The following PPP4R1 variants were observed in gnomAD, a reference collection of about 807,000 sequenced individuals.
PPP4R1 encodes protein phosphatase 4 regulatory subunit 1.
In PPP4R1, 42 loss-of-function variants were observed where a neutral mutation model predicts 111.2. That is an observed-to-expected ratio of 0.38 (90% CI 0.29 to 0.49). PPP4R1 has a LOEUF of 0.49. PPP4R1 is among the 20% of genes least tolerant of loss of function. The probability of loss-of-function intolerance (pLI) is 0.97; values close to 1 mark genes in which losing one functional copy is unlikely to be tolerated. For missense variants in PPP4R1, 1,012 were observed against 1,161.6 expected (o/e 0.87, Z 1.87); for synonymous variants, 409 against 405.5 (o/e 1.01, Z -0.10).
At position 9,550,381 on chromosome 18, in the gene PPP4R1, A is replaced by G; in HGVS notation, c.2309T>C (p.Leu770Pro). 1.3e-6 allele frequency: 2 copies of G among 1,597,844 alleles called. No homozygotes were observed. Among genetic ancestry groups the G allele is most frequent in the South Asian group, 1.1e-5 (1 of 88,932 alleles). ...AACATCTCTGGGACTATATAACTCT[A>G]GAAGTAAAATCAGCTGTCTACAAAA... ...AELAEQLILL[L>P]ELYSPRDVYD... Residue 770 changes from leucine to proline, a missense_variant, in exon 17 of 20, where the codon CTA becomes CCA. Leu to Pro is a moderately conservative substitution (Grantham distance 98). This residue lies in a region of PPP4R1 where 305 missense variants were observed against 419.5 expected (regional missense o/e 0.73). Coordinates refer to ENST00000400556, the MANE Select transcript of PPP4R1 (RefSeq NM_001042388.3).
At chr18:9,567,111 T>C (rs1281560679) in intron 11 of PPP4R1, among the ~76,000 whole-genome samples, 2 of 152,166 alleles carry the variant, frequency 1.3e-5, no homozygotes, top group East Asian at 1.9e-4. Context: ...CTGAAAACCT[T>C]CTGGAAAGGA....
intron 11 of PPP4R1, among the ~76,000 whole-genome samples, chr18:9,566,824 C>T (rs1181889533): frequency 2.6e-5 from 4 of 152,116 alleles, no homozygotes; most frequent in Non-Finnish European, 4.4e-5. Flanking sequence ...CAAGGTTTGC[C>T]GAGTACTTTA....
rs2067055630 is a variant in PPP4R1, at chr18:9,583,018, A to G, written c.918+99T>C. 4 of 1,081,220 alleles carry G rather than the reference A, an allele frequency of 3.7e-6. No homozygotes were observed. The East Asian group carries it at 1.2e-4, about 31-fold the overall frequency. 67.0% of individuals were successfully genotyped at this position (1,081,220 alleles called of 1,614,324 possible). ...TTCCTAAAAGTATAAAAAATAATATATCTTAAATTATAAGTTATTTCTTAT... is the reference window on the plus strand; with the variant it reads ...TTCCTAAAAGTATAAAAAATAATATGTCTTAAATTATAAGTTATTTCTTAT... On this transcript the variant is annotated intron_variant, in intron 9 of 19. Transcript: ENST00000400556.
At position 9,570,442 on chromosome 18, in the gene PPP4R1, A is replaced by C. The variant is rs1458963199; in HGVS notation, c.1288T>G (p.Tyr430Asp). Reference sequence around the variant, plus strand: ...ACCTCTGGTCGTAACATAGATTTGTAGTTACCAGGTTTTTTATCATTCTCA... The same window carrying C: ...ACCTCTGGTCGTAACATAGATTTGTCGTTACCAGGTTTTTTATCATTCTCA... ...SNENDKKPGNYKSMLRPEVGT... is the reference protein window; with the variant it reads ...SNENDKKPGNDKSMLRPEVGT... The change falls in exon 11 of 20, where the codon TAC becomes GAC. Residue 430 changes from tyrosine to aspartate, a missense_variant. Around this residue, in one of 2 missense-constraint regions of PPP4R1, gnomAD observed 707 missense variants for 742.1 expected, o/e 0.95. Coordinates refer to ENST00000400556, the MANE Select transcript of PPP4R1 (RefSeq NM_001042388.3). 2 of 1,614,082 alleles carry C rather than the reference A, an allele frequency of 1.2e-6. No individual in the cohort carries two copies. The highest frequency in any genetic ancestry group is 2.2e-5 in the South Asian group (2 of 91,082).
chr18:9,556,781 GAATT>G (rs1168925279), intron 15 of PPP4R1, among the ~76,000 whole-genome samples: 2 of 152,114 alleles, frequency 1.3e-5, no homozygotes, highest in African/African-American at 4.8e-5. Flanking sequence ...ACTTATACTT[GAATT>G]GTTTGTCCCA....
chr18:9,573,835 A>G (rs1198570376), intron 10 of PPP4R1, among the ~76,000 whole-genome samples: 2 of 152,218 alleles, frequency 1.3e-5, no homozygotes, highest in Non-Finnish European at 2.9e-5. Context: ...GACTGGTCAA[A>G]TAACTGTTTG....
At chr18:9,560,685 C>CA (rs2066658826) in intron 13 of PPP4R1, among the ~76,000 whole-genome samples, 1 of 152,082 alleles carries the variant, frequency 6.6e-6, no homozygotes, top group South Asian at 2.1e-4. Context: ...ATACTGATTT[C>CA]ATTTTTAGTA....
intron 15 of PPP4R1, 63 bp downstream of exon 15, chr18:9,557,158 G>A (rs2066600739): frequency 7.0e-7 from 1 of 1,431,374 alleles, no homozygotes. Context: ...GATAGCAGAA[G>A]ATAAAGATTT....
chr18:9,563,790 G>A lies in PPP4R1; in HGVS notation c.1574-240C>T, dbSNP rs1480055039. On this transcript the variant is annotated intron_variant, in intron 11 of 19. Transcript: ENST00000400556. ...TATCTGCTACTGTACATTATTCTGC[G>A]TTAGTATGAAAAGAGAAATGCTATC... 5.8e-5 allele frequency: 19 copies of A among 325,302 alleles called. No homozygotes were observed. In the South Asian group the frequency reaches 1.0e-3, roughly 17 times the overall value. 20.2% of individuals were successfully genotyped at this position (325,302 alleles called of 1,614,324 possible). A position where few individuals can be genotyped will look rare whatever the true frequency, so the allele number is the denominator to read the frequency against.
intron 9 of PPP4R1, 32 bp from the exon 10 acceptor site, chr18:9,577,223 ATCATTTTG>A: frequency 6.3e-7 from 1 of 1,576,954 alleles, no homozygotes; most frequent in Non-Finnish European, 8.6e-7. Context: ...TAATAAAGGA[ATCATTTTG>A]AAAAAGAATT....
chr18:9,592,816 T>G (rs1053442849), intron 4 of PPP4R1, among the ~76,000 whole-genome samples: 4 of 152,124 alleles, frequency 2.6e-5, no homozygotes, highest in African/African-American at 9.7e-5. Flanking sequence ...GTTATTTAAC[T>G]TAAATCAAAT....
intron 2 of PPP4R1, among the ~76,000 whole-genome samples, chr18:9,601,341 T>C (rs1279128726): frequency 1.3e-5 from 2 of 151,676 alleles, no homozygotes; most frequent in African/African-American, 2.4e-5. Flanking sequence ...CTGGCCAACA[T>C]GGTAAAACCC....
In PPP4R1 at chr18:9,553,408, G is replaced by C; in HGVS notation, c.2205C>G (p.Asp735Glu). 1 of 1,575,016 alleles carries C rather than the reference G, an allele frequency of 6.3e-7. No homozygotes were observed. ...GTTGATAAAGATATTCTCTTCTTTTGTCAATATGAAGAAGCTAAAGTAACA... is the reference window on the plus strand; with the variant it reads ...GTTGATAAAGATATTCTCTTCTTTTCTCAATATGAAGAAGCTAAAGTAACA... ...LHDFLKLLHI[D>E]KRREYLYQLQ... The change falls in exon 16 of 20, where the codon GAC (aspartate) becomes GAG (glutamate). Residue 735 changes from aspartate to glutamate, a missense_variant. By Grantham distance (45) the Asp-to-Glu change is conservative (BLOSUM62 2). Coordinates refer to ENST00000400556, the MANE Select transcript of PPP4R1 (RefSeq NM_001042388.3).
intron 8 of PPP4R1, 139 bp downstream of exon 8, chr18:9,584,376 T>C (rs2067080861): frequency 1.5e-6 from 1 of 655,492 alleles, no homozygotes; most frequent in Non-Finnish European, 2.4e-6. Context: ...ATATTTAAAC[T>C]CCTAAATTCA....
chr18:9,611,334 A>C (rs954841306), intron 2 of PPP4R1, among the ~76,000 whole-genome samples: 2 of 152,052 alleles, frequency 1.3e-5, no homozygotes, highest in African/African-American at 4.8e-5. Context: ...ACGAGATAAC[A>C]ACCGTGTTAT....
At chr18:9,556,549 T>C (rs1358014019) in intron 15 of PPP4R1, among the ~76,000 whole-genome samples, 1 of 152,152 alleles carries the variant, frequency 6.6e-6, no homozygotes. Flanking sequence ...GCCTTAGAAT[T>C]ACCAGAGTCA....
At chr18:9,561,495 A>T (rs1381717577) in intron 13 of PPP4R1, among the ~76,000 whole-genome samples, 1 of 152,152 alleles carries the variant, frequency 6.6e-6, no homozygotes, top group African/African-American at 2.4e-5. Flanking sequence ...AGAGCAAGGC[A>T]AGGCACAGCT....
In PPP4R1 at chr18:9,547,730, G is replaced by C; in HGVS notation, c.*59C>G. On this transcript the variant is annotated 3_prime_UTR_variant, in exon 20 of 20. Coordinates refer to ENST00000400556, the MANE Select transcript of PPP4R1 (RefSeq NM_001042388.3). Reference sequence around the variant, plus strand: ...AGCTATCCCAGGTCACATGCGTGGCGAATGCCCACTGAACCTCGGCTCTCA... The same window carrying C: ...AGCTATCCCAGGTCACATGCGTGGCCAATGCCCACTGAACCTCGGCTCTCA... 1 of 1,587,588 alleles carries C rather than the reference G, an allele frequency of 6.3e-7. No individual in the cohort carries two copies.
intron 10 of PPP4R1, among the ~76,000 whole-genome samples, chr18:9,572,779 T>C (rs933474907): frequency 3.3e-5 from 5 of 152,214 alleles, no homozygotes; most frequent in African/African-American, 1.2e-4. Flanking sequence ...TTTTTTAAAA[T>C]ACTGATGAAC....
Sources: allele counts gnomAD v4.1 joint callset (sites outside exome capture counted in the v4.1 genomes callset), GRCh38; gene constraint gnomAD v4.1.1; regional missense constraint gnomAD v4.1.1; transcripts MANE v1.5; gene names NCBI Gene and HGNC (gene_info 2026-07-23, HGNC 2026-07-21).